MAP3K4: variants seen among roughly 807,000 people sequenced by gnomAD.
MAP3K4 encodes the protein MAP three kinase 1.
A neutral mutation model predicts 185.6 loss-of-function variants in MAP3K4; 67 were observed. The observed-to-expected ratio is 0.36, with a 90% CI of 0.30 to 0.44. The LOEUF (loss-of-function observed/expected upper bound fraction) is 0.44. Among genes scored for constraint, MAP3K4 ranks in the 20% least tolerant of loss-of-function variants. The pLI is 1.00. For missense variants in MAP3K4, 1,551 were observed against 1,995.1 expected (o/e 0.78, Z 4.24); for synonymous variants, 702 against 710.4 (o/e 0.99, Z 0.19).
At chr6:161,029,322 T>C (rs1453421176) in intron 1 of MAP3K4, among the ~76,000 whole-genome samples, 1 of 152,218 alleles carries the variant, frequency 6.6e-6, no homozygotes, top group Non-Finnish European at 1.5e-5. Context: ...GACTTCATCA[T>C]TTTACAGATA....
chr6:161,050,013 C>A (rs1391374090), intron 3 of MAP3K4, 34 bp downstream of exon 3: 6 of 1,518,438 alleles, frequency 4.0e-6, no homozygotes, highest in South Asian at 2.6e-5. Flanking sequence ...ACAATGATAT[C>A]CTTAGTTCCA....
intron 1 of MAP3K4, among the ~76,000 whole-genome samples, chr6:161,011,158 T>C (rs905302830): frequency 2.6e-5 from 4 of 152,190 alleles, no homozygotes; most frequent in Non-Finnish European, 5.9e-5. Context: ...ATTGTCCTAA[T>C]AGGCCCATGA....
chr6:161,011,454 C>A (rs1349295777), intron 1 of MAP3K4, among the ~76,000 whole-genome samples: 2 of 152,070 alleles, frequency 1.3e-5, no homozygotes, highest in South Asian at 2.1e-4. Flanking sequence ...GCCTTTCAAC[C>A]CCCCTCCCTT....
chr6:161,040,973 A>T (rs1010441448), intron 2 of MAP3K4, among the ~76,000 whole-genome samples: 1 of 152,212 alleles, frequency 6.6e-6, no homozygotes, highest in East Asian at 1.9e-4. Context: ...TGTTGAGTTA[A>T]TGAAAGGGAG....
chr6:161,002,535 C>T (rs1583091655), intron 1 of MAP3K4, among the ~76,000 whole-genome samples: 1 of 147,014 alleles, frequency 6.8e-6, no homozygotes, highest in Non-Finnish European at 1.5e-5. Context: ...AACTATGAAT[C>T]ATATAAAGAA....
chr6:161,090,995 G>A (rs1268228849), intron 11 of MAP3K4, among the ~76,000 whole-genome samples: 1 of 152,206 alleles, frequency 6.6e-6, no homozygotes, highest in African/African-American at 2.4e-5. Flanking sequence ...GGGAAATGAG[G>A]ACAGCACGAT....
Position 161,070,548 on chromosome 6 carries a change from A to G in MAP3K4, c.1708-60A>G, listed in dbSNP as rs1583193197. ...GTAGAGAATAAGAGTTTATAACCAC[A>G]ACCGTAGAACGTTGTCTCGTATGCT... On this transcript the variant is annotated intron_variant, in intron 3 of 26. Coordinates refer to ENST00000392142, the MANE Select transcript of MAP3K4 (RefSeq NM_005922.4). This position sits in a 1 kb window ranked among gnomAD's most constrained non-coding sequence, Gnocchi z 4.5. 2.7e-6 allele frequency: 4 copies of G among 1,496,084 alleles called. No individual in the cohort carries two copies. Among genetic ancestry groups the G allele is most frequent in the East Asian group, 2.3e-5 (1 of 43,906 alleles). The allele number at this position is 1,496,084 out of a possible 1,614,324, so 92.7% of individuals were successfully genotyped here.
Position 161,066,863 on chromosome 6 carries a change from G to A in MAP3K4, c.1708-3745G>A, listed in dbSNP as rs57215586. On this transcript the variant is annotated intron_variant, in intron 3 of 26. Transcript: ENST00000392142. ...ATTGTGCCTTTGGCTCATTGAGCCC[G>A]TAAACAAAGTCAGCAGGCTGGGACT... 9.1e-3 allele frequency among the ~76,000 whole-genome samples: 1,392 copies of A among 152,306 alleles called. 16 individuals are homozygous for A. Among genetic ancestry groups the A allele is most frequent in the African/African-American group, 0.027 (1,138 of 41,558 alleles).
intron 1 of MAP3K4, among the ~76,000 whole-genome samples, chr6:161,006,003 G>A (rs937090392): frequency 2.6e-5 from 4 of 152,272 alleles, no homozygotes; most frequent in African/African-American, 9.6e-5. Context: ...GGCCAGGCTG[G>A]TTTCGAATTC....
At chr6:160,992,437 C>T (rs1159910928) in intron 1 of MAP3K4, 3 of 328,232 alleles carry the variant, frequency 9.1e-6, no homozygotes, top group Non-Finnish European at 1.7e-5. Flanking sequence ...TGAAGTGCCT[C>T]TCATCATTAC....
intron 3 of MAP3K4, 96 bp downstream of exon 3, chr6:161,050,075 A>AT (rs1475666403): frequency 2.4e-6 from 3 of 1,250,824 alleles, no homozygotes; most frequent in Non-Finnish European, 3.3e-6. Flanking sequence ...ATATTCTAAT[A>AT]TTTTTGAACA....
chr6:161,094,872 C>T (rs1314090210), intron 15 of MAP3K4, among the ~76,000 whole-genome samples: 1 of 152,180 alleles, frequency 6.6e-6, no homozygotes, highest in Admixed American at 6.5e-5. Context: ...TAAAACACTT[C>T]TCTAAGAACA....
In MAP3K4 at chr6:161,114,245, G is replaced by T. The variant is rs989181339; in HGVS notation, c.4627-878G>T. ...TTCTGCTTCTGAAAATGTATCTTAT[G>T]ATGATAATATTAATGAGCAGTTATA... On this transcript the variant is annotated intron_variant, in intron 25 of 26. Coordinates refer to ENST00000392142, the MANE Select transcript of MAP3K4 (RefSeq NM_005922.4). The surrounding 1 kb of genome is among the most constrained non-coding windows in gnomAD (Gnocchi z 4.3). 2.6e-5 allele frequency among the ~76,000 whole-genome samples: 4 copies of T among 152,136 alleles called. No individual in the cohort carries two copies. Among genetic ancestry groups the T allele is most frequent in the Non-Finnish European group, 5.9e-5 (4 of 68,026 alleles).
At position 161,087,849 on chromosome 6, in the gene MAP3K4, C is replaced by G; in HGVS notation, c.2718C>G (p.His906Gln). 1 of 1,614,106 alleles carries G rather than the reference C, an allele frequency of 6.2e-7. No homozygotes were observed. Among genetic ancestry groups the G allele is most frequent in the Non-Finnish European group, 8.5e-7 (1 of 1,180,010 alleles). The change falls in exon 10 of 27, where the codon CAC (histidine) becomes CAG (glutamine). Residue 906 changes from histidine to glutamine, a missense_variant. Physicochemically the swap from His to Gln is conservative, Grantham distance 24. Around this residue, in one of 16 missense-constraint regions of MAP3K4, gnomAD observed 261 missense variants for 306.5 expected, o/e 0.85. Transcript: ENST00000392142. The surrounding 1 kb of genome is among the most constrained non-coding windows in gnomAD (Gnocchi z 4.9). Reference sequence around the variant, plus strand: ...ATGCCTATCTGCTTCTGACCAAGCACGGTGATCGAGCCCGTGATTCAGAGG... The same window carrying G: ...ATGCCTATCTGCTTCTGACCAAGCAGGGTGATCGAGCCCGTGATTCAGAGG... ...LIDAYLLLTK[H>Q]GDRARDSEDS...
At chr6:161,102,612 T>C in intron 18 of MAP3K4, 87 bp from the exon 19 acceptor site, 3 of 866,746 alleles carry the variant, frequency 3.5e-6, no homozygotes, top group African/African-American at 1.7e-5. Context: ...ACAGGTTGCT[T>C]TTAACCATTA....
At chr6:161,016,782 C>T (rs1301000633) in intron 1 of MAP3K4, among the ~76,000 whole-genome samples, 1 of 152,216 alleles carries the variant, frequency 6.6e-6, no homozygotes, top group Non-Finnish European at 1.5e-5. Flanking sequence ...TCCAGCATTA[C>T]TCTTTTCCAG....
chr6:161,047,117 C>CATATATATATAT (rs3050257), intron 2 of MAP3K4, among the ~76,000 whole-genome samples: 1,359 of 134,836 alleles, frequency 0.01, 42 homozygotes, highest in African/African-American at 0.037. Flanking sequence ...TTCACTTATG[C>CATATATATATAT]ATATATATAT....
rs551256955 is a variant in MAP3K4, at chr6:161,114,794, G to C, written c.4627-329G>C. Among the ~76,000 whole-genome samples, 1 of 152,090 alleles carries C rather than the reference G, an allele frequency of 6.6e-6. No individual in the cohort carries two copies. Among genetic ancestry groups the C allele is most frequent in the South Asian group, 2.1e-4 (1 of 4,818 alleles). Reference sequence around the variant, plus strand: ...TATATTTTTTAGTTGCATGATGATGGCTTCTAGATACTGTTGGACTAAATA... The same window carrying C: ...TATATTTTTTAGTTGCATGATGATGCCTTCTAGATACTGTTGGACTAAATA... On this transcript the variant is annotated intron_variant, in intron 25 of 26. Coordinates refer to ENST00000392142, the MANE Select transcript of MAP3K4 (RefSeq NM_005922.4). This position sits in a 1 kb window ranked among gnomAD's most constrained non-coding sequence, Gnocchi z 4.3.
chr6:160,998,223 T>C (rs1781095810), intron 1 of MAP3K4, among the ~76,000 whole-genome samples: 1 of 152,172 alleles, frequency 6.6e-6, no homozygotes, highest in Non-Finnish European at 1.5e-5. Flanking sequence ...TGATTTGATG[T>C]GAGCTAATCT....
Sources: gnomAD v4.1 joint callset for allele counts (sites outside exome capture counted in the v4.1 genomes callset) on GRCh38, gnomAD v4.1.1 for gene constraint, gnomAD v4.1.1 regional missense constraint, Gnocchi (gnomAD v3.1) non-coding constraint, MANE v1.5 for transcripts, NCBI Gene and HGNC (gene_info 2026-07-23, HGNC 2026-07-21) for gene names.